PTPRD: variants seen among roughly 807,000 people sequenced by gnomAD.
PTPRD encodes protein tyrosine phosphatase receptor type D.
In PTPRD, 34 loss-of-function variants were observed where a neutral mutation model predicts 214.5. The ratio of observed to expected loss-of-function variants is 0.16; its 90% CI spans 0.12 to 0.21. The LOEUF (loss-of-function observed/expected upper bound fraction) is 0.21, where lower values mean the gene tolerates loss of function less well. Ranked by LOEUF, PTPRD falls within the 10% of genes least tolerant of loss-of-function variation. PTPRD has a pLI of 1.00. For missense variants in PTPRD, 2,545 were observed against 2,398.7 expected (o/e 1.06, Z -1.27); for synonymous variants, 1,128 against 845.7 (o/e 1.33, Z -5.79).
chr9:9,084,067 G>A (rs1272937365), intron 10 of PTPRD, among the ~76,000 whole-genome samples: 1 of 152,042 alleles, frequency 6.6e-6, no homozygotes, highest in Non-Finnish European at 1.5e-5. Flanking sequence ...ATACCCAAAG[G>A]ATTATAAATC....
chr9:8,413,219 G>A (rs2093661791), intron 35 of PTPRD, among the ~76,000 whole-genome samples: 1 of 152,062 alleles, frequency 6.6e-6, no homozygotes, highest in East Asian at 1.9e-4. Context: ...TGCTTTGCTT[G>A]TCATTTAACA....
intron 2 of PTPRD, among the ~76,000 whole-genome samples, chr9:10,537,898 A>T (rs1224449881): frequency 6.6e-6 from 1 of 152,086 alleles, no homozygotes; most frequent in Non-Finnish European, 1.5e-5. Context: ...GCATGTTAAG[A>T]ATGCAGATTC....
intron 5 of PTPRD, among the ~76,000 whole-genome samples, chr9:9,844,728 G>T (rs571118347): frequency 6.6e-6 from 1 of 151,768 alleles, no homozygotes. Context: ...TCATTAACTA[G>T]AATTTGTTTA....
chr9:9,240,123 A>T (rs1355051423), intron 9 of PTPRD, among the ~76,000 whole-genome samples: 1 of 152,172 alleles, frequency 6.6e-6, no homozygotes, highest in Admixed American at 6.6e-5. Flanking sequence ...GTGGAATAAA[A>T]GTTTGTAAGT....
intron 4 of PTPRD, among the ~76,000 whole-genome samples, chr9:9,960,185 T>C (rs186547577): frequency 5.3e-5 from 7 of 132,070 alleles, no homozygotes; most frequent in East Asian, 2.1e-4. Flanking sequence ...ATTTTAAAAA[T>C]GAAAAAAGGA....
intron 3 of PTPRD, among the ~76,000 whole-genome samples, chr9:10,111,291 T>G (rs1381471169): frequency 8.1e-6 from 1 of 123,494 alleles, no homozygotes; most frequent in Non-Finnish European, 1.6e-5. Context: ...CAGGCTGGAG[T>G]GCAGTGGCGG....
At chr9:9,890,232 C>T (rs2153774179) in intron 5 of PTPRD, among the ~76,000 whole-genome samples, 1 of 152,134 alleles carries the variant, frequency 6.6e-6, no homozygotes, top group African/African-American at 2.4e-5. Context: ...GGGTCTTACT[C>T]TGTGGCCCAG....
At chr9:9,646,783 A>G (rs956187430) in intron 7 of PTPRD, among the ~76,000 whole-genome samples, 2 of 152,210 alleles carry the variant, frequency 1.3e-5, no homozygotes, top group Non-Finnish European at 2.9e-5. Flanking sequence ...AAAGTTTAAA[A>G]TTAGTTTATA....
At chr9:9,604,434 G>T (rs1367861920) in intron 7 of PTPRD, among the ~76,000 whole-genome samples, 1 of 151,906 alleles carries the variant, frequency 6.6e-6, no homozygotes, top group South Asian at 2.1e-4. Flanking sequence ...AGAGATCAGT[G>T]GAATTTTAGT....
chr9:9,071,586 C>T (rs1209859744), intron 10 of PTPRD, among the ~76,000 whole-genome samples: 2 of 152,100 alleles, frequency 1.3e-5, no homozygotes, highest in Non-Finnish European at 2.9e-5. Flanking sequence ...CTCTAGCCTC[C>T]AATCAGCAAA....
intron 11 of PTPRD, among the ~76,000 whole-genome samples, chr9:8,972,221 G>T (rs957536562): frequency 6.6e-6 from 1 of 151,758 alleles, no homozygotes; most frequent in Non-Finnish European, 1.5e-5. Context: ...ACTAATACGG[G>T]ACTGGTGTTT....
At chr9:8,591,530 A>G (rs1187940403) in intron 14 of PTPRD, among the ~76,000 whole-genome samples, 2 of 152,212 alleles carry the variant, frequency 1.3e-5, no homozygotes, top group Non-Finnish European at 2.9e-5. Flanking sequence ...ATTGCAATCA[A>G]AATCAAACAG....
chr9:8,475,805 C>G (rs2096752010), intron 30 of PTPRD, among the ~76,000 whole-genome samples: 1 of 152,152 alleles, frequency 6.6e-6, no homozygotes, highest in Non-Finnish European at 1.5e-5. Context: ...ACGTGCTTTT[C>G]TCCATCTCTA....
At chr9:10,065,180 A>G (rs5001491) in intron 3 of PTPRD, among the ~76,000 whole-genome samples, 92 of 150,278 alleles carry the variant, frequency 6.1e-4, no homozygotes, top group East Asian at 2.4e-3. Flanking sequence ...AGAAAGAAAG[A>G]AAGAAAGAAA....
chr9:10,098,151 T>A (rs1183016524), intron 3 of PTPRD, among the ~76,000 whole-genome samples: 1 of 151,772 alleles, frequency 6.6e-6, no homozygotes. Context: ...CACCATGGAA[T>A]ACTATGGAGC....
At chr9:10,291,500 G>A (rs985697091) in intron 3 of PTPRD, among the ~76,000 whole-genome samples, 1 of 152,078 alleles carries the variant, frequency 6.6e-6, no homozygotes, top group African/African-American at 2.4e-5. Context: ...TTAATAAACA[G>A]TGGAGCAAAG....
intron 14 of PTPRD, among the ~76,000 whole-genome samples, chr9:8,532,084 T>A (rs1290220005): frequency 7.9e-5 from 12 of 151,994 alleles, no homozygotes; most frequent in Non-Finnish European, 1.5e-4. Flanking sequence ...TTAATAAGGG[T>A]AATTAAATTC....
intron 5 of PTPRD, among the ~76,000 whole-genome samples, chr9:9,912,149 A>G (rs1053401165): frequency 6.6e-6 from 1 of 152,204 alleles, no homozygotes; most frequent in Non-Finnish European, 1.5e-5. Context: ...TCTGTCAAGT[A>G]TATTTAGAAG....
chr9:9,299,366 C>T (rs1187459520), intron 9 of PTPRD, among the ~76,000 whole-genome samples: 1 of 151,646 alleles, frequency 6.6e-6, no homozygotes, highest in Non-Finnish European at 1.5e-5. Context: ...CTGCTACTGG[C>T]ATCTGGTGGG....
Sources: gnomAD v4.1 joint callset for allele counts (sites outside exome capture counted in the v4.1 genomes callset) on GRCh38, gnomAD v4.1.1 for gene constraint, MANE v1.5 for transcripts, NCBI Gene and HGNC (gene_info 2026-07-23, HGNC 2026-07-21) for gene names.